Variants in UGT2A2 observed in about 807,000 individuals in gnomAD.
UGT2A2 encodes the protein UDP-glucuronosyltransferase 2A2.
Under a neutral mutation model 50.7 loss-of-function variants are expected in UGT2A2, and 60 were observed. The ratio of observed to expected loss-of-function variants is 1.18; its 90% CI spans 0.96 to 1.47. The LOEUF (loss-of-function observed/expected upper bound fraction) is 1.47, where lower values mean the gene tolerates loss of function less well. UGT2A2 is among the 40% of genes most tolerant of loss of function. The pLI, the probability that UGT2A2 is intolerant of heterozygous loss-of-function variation, is 0.00. For synonymous variants in UGT2A2, 242 were observed against 214.6 expected, an observed-to-expected ratio of 1.13 and a Z score of -1.11; for missense variants, 762 against 634.0, an observed-to-expected ratio of 1.20 and a Z score of -2.17.
At chr4:69,626,800 G>A (rs1196470861) in intron 1 of UGT2A2, among the ~76,000 whole-genome samples, 1 of 151,578 alleles carries the variant, frequency 6.6e-6, no homozygotes, top group Non-Finnish European at 1.5e-5. Context: ...TTTATTTTAT[G>A]TGTTCTATTC....
chr4:69,628,143 G>A (rs1442654488), intron 1 of UGT2A2, among the ~76,000 whole-genome samples: 1 of 151,684 alleles, frequency 6.6e-6, no homozygotes, highest in Admixed American at 6.6e-5. Context: ...TAGGTCTTAG[G>A]TTGAATATTT....
intron 1 of UGT2A2, among the ~76,000 whole-genome samples, chr4:69,607,524 C>G (rs1164391253): frequency 1.3e-5 from 2 of 151,858 alleles, no homozygotes; most frequent in East Asian, 3.9e-4. Flanking sequence ...GACTTCATGT[C>G]TAAAACACCA....
intron 1 of UGT2A2, among the ~76,000 whole-genome samples, chr4:69,634,200 G>A (rs564846348): frequency 2.2e-4 from 33 of 152,076 alleles, no homozygotes; most frequent in Non-Finnish European, 4.3e-4. Context: ...AGCCGAGATC[G>A]CGCCACTGCA....
intron 1 of UGT2A2, among the ~76,000 whole-genome samples, chr4:69,613,577 C>A (rs1044499931): frequency 1.3e-5 from 2 of 151,900 alleles, no homozygotes; most frequent in Admixed American, 6.6e-5. Flanking sequence ...AACATCTTAA[C>A]AAAAATTTAG....
chr4:69,598,953 C>T (rs1006237191), intron 2 of UGT2A2, among the ~76,000 whole-genome samples: 4 of 152,102 alleles, frequency 2.6e-5, no homozygotes, highest in Non-Finnish European at 4.4e-5. Context: ...CAGTATCCTT[C>T]GTAATTTCTA....
In UGT2A2 at chr4:69,602,991, C is replaced by T. The variant is rs987750032; in HGVS notation, c.743-3597G>A. ...GCTGAGGCAGAGAATTGCTTGAACCCGGGAGGAGGAGGTTGCAGTGAGCCA... is the reference window on the plus strand; with the variant it reads ...GCTGAGGCAGAGAATTGCTTGAACCTGGGAGGAGGAGGTTGCAGTGAGCCA... On this transcript the variant is annotated intron_variant, in intron 1 of 5. Coordinates refer to ENST00000604629, the MANE Select transcript of UGT2A2 (RefSeq NM_001105677.2). Among the ~76,000 whole-genome samples the T allele has an allele frequency of 1.3e-4, 18 of 134,614 alleles. 5 individuals carry two copies. The highest frequency in any genetic ancestry group is 4.2e-4 in the African/African-American group (14 of 32,954). 88.3% of individuals were successfully genotyped at this position (134,614 alleles called of 152,430 possible). A position where few individuals can be genotyped will look rare whatever the true frequency, so the allele number is the denominator to read the frequency against.
intron 2 of UGT2A2, among the ~76,000 whole-genome samples, chr4:69,598,789 C>T (rs1719083203): frequency 6.6e-6 from 1 of 151,964 alleles, no homozygotes; most frequent in Non-Finnish European, 1.5e-5. Flanking sequence ...ACCTAAGAGC[C>T]CTGCCTTATT....
At chr4:69,621,308 A>G (rs1446791701) in intron 1 of UGT2A2, among the ~76,000 whole-genome samples, 2 of 152,054 alleles carry the variant, frequency 1.3e-5, no homozygotes, top group Admixed American at 6.6e-5. Context: ...ACAAGAAAGA[A>G]ACAACCTCAT....
rs1181241423 is a variant in UGT2A2 at position 69,605,467 on chromosome 4, C to A, written c.743-6073G>T. Among the ~76,000 whole-genome samples, 2 of 136,540 alleles carry A rather than the reference C, an allele frequency of 1.5e-5. 1 individual carries two copies. The highest frequency in any genetic ancestry group is 3.1e-5 in the Non-Finnish European group (2 of 64,330). The allele number at this position is 136,540 out of a possible 152,430, so 89.6% of individuals were successfully genotyped here. ...AGCACTAAATGCCCACAGAACAGAG[C>A]AGGAAAGATCTAAAATTGACACCCC... On this transcript the variant is annotated intron_variant, in intron 1 of 5. Transcript: ENST00000604629.
At position 69,598,889 on chromosome 4, in the gene UGT2A2, G is replaced by T. The variant is rs901996779; in HGVS notation, c.891+357C>A. On this transcript the variant is annotated intron_variant, in intron 2 of 5. Transcript: ENST00000604629. Reference sequence around the variant, plus strand: ...TCATGAAGACATCTTTATCTCTCAAGAAATTTGGTAAATATTACTGTTCAT... The same window carrying T: ...TCATGAAGACATCTTTATCTCTCAATAAATTTGGTAAATATTACTGTTCAT... Among the ~76,000 whole-genome samples the T allele has an allele frequency of 2.0e-5, 3 of 152,030 alleles. No homozygotes were observed. The South Asian group carries it at 6.2e-4, about 32-fold the overall frequency.
intron 1 of UGT2A2, among the ~76,000 whole-genome samples, chr4:69,627,991 T>C (rs1721185055): frequency 6.6e-6 from 1 of 151,984 alleles, no homozygotes; most frequent in Non-Finnish European, 1.5e-5. Flanking sequence ...GTTGATTGTC[T>C]CTTTTGCTGG....
At chr4:69,638,773 A>T (rs1421024860) in intron 1 of UGT2A2, 126 bp downstream of exon 1, 1 of 1,203,070 alleles carries the variant, frequency 8.3e-7, no homozygotes, top group African/African-American at 1.5e-5. Context: ...AATTGTTTGT[A>T]CAGAGATATA....
intron 1 of UGT2A2, among the ~76,000 whole-genome samples, chr4:69,618,129 C>T (rs1011003745): frequency 2.0e-5 from 3 of 150,432 alleles, no homozygotes; most frequent in African/African-American, 4.9e-5. Flanking sequence ...TATCCGTGTA[C>T]GTAATCATCA....
intron 1 of UGT2A2, among the ~76,000 whole-genome samples, chr4:69,627,862 G>C (rs910588636): frequency 1.3e-5 from 2 of 151,858 alleles, no homozygotes; most frequent in Admixed American, 1.3e-4. Context: ...AATATTACAG[G>C]TTAAAAGAGA....
At chr4:69,638,848 A>G in intron 1 of UGT2A2, 51 bp downstream of exon 1, 1 of 1,469,980 alleles carries the variant, frequency 6.8e-7, no homozygotes, top group South Asian at 1.5e-5. Flanking sequence ...TATGACAATA[A>G]GAATAAATAA....
At chr4:69,590,859 T>C (rs1577938047) in intron 5 of UGT2A2, among the ~76,000 whole-genome samples, 1 of 152,306 alleles carries the variant, frequency 6.6e-6, no homozygotes, top group East Asian at 1.9e-4. Context: ...TACACTAATG[T>C]TTTATGACTG....
At chr4:69,593,967 C>CTTTTTTTTTTTTTTTT (rs200066453) in intron 5 of UGT2A2, among the ~76,000 whole-genome samples, 2 of 107,818 alleles carry the variant, frequency 1.9e-5, no homozygotes, top group African/African-American at 7.0e-5. Context: ...TATTTGAAGT[C>CTTTTTTTTTTTTTTTT]TTTTTTTTTG....
rs753883996 is a variant in UGT2A2 at position 69,638,980 on chromosome 4, T to A, written c.661A>T (p.Asn221Tyr). The A allele has an allele frequency of 3.1e-6, 5 of 1,612,834 alleles. No individual in the cohort carries two copies. Among genetic ancestry groups the A allele is most frequent in the Non-Finnish European group, 4.2e-6 (5 of 1,179,458 alleles). Residue 221 changes from asparagine (N) to tyrosine (Y), a missense_variant, in exon 1 of 6, where the codon AAT (asparagine) becomes TAT (tyrosine). By Grantham distance (143) the Asn-to-Tyr change is moderately radical. Coordinates refer to ENST00000604629, the MANE Select transcript of UGT2A2 (RefSeq NM_001105677.2). ...DQMTFGERIK[N>Y]TISYSLQDYI... ...TCTTGCAGAGAATAAGATATGGTAT[T>A]TTTAATCCTTTCACCAAAGGTCATC...
chr4:69,609,565 G>T (rs962477944), intron 1 of UGT2A2, among the ~76,000 whole-genome samples: 1 of 152,176 alleles, frequency 6.6e-6, no homozygotes, highest in African/African-American at 2.4e-5. Context: ...GTCAGTAAAT[G>T]AATTGAATAG....
Sources: gnomAD v4.1 joint callset for allele counts (sites outside exome capture counted in the v4.1 genomes callset) on GRCh38, gnomAD v4.1.1 for gene constraint, MANE v1.5 for transcripts, NCBI Gene and HGNC (gene_info 2026-07-23, HGNC 2026-07-21) for gene names.